Variants in SUGCT observed in about 807,000 individuals in gnomAD.
The protein encoded by SUGCT is succinyl-CoA:glutarate CoA-transferase.
A neutral mutation model predicts 55.0 loss-of-function variants in SUGCT; 41 were observed. That is an observed-to-expected ratio of 0.74 (90% CI 0.58 to 0.97). SUGCT has a LOEUF of 0.97. Among genes scored for constraint, SUGCT ranks in the 50% least tolerant of loss-of-function variants. The probability of loss-of-function intolerance (pLI) is 0.00; values close to 1 mark genes in which losing one functional copy is unlikely to be tolerated. For missense variants in SUGCT, 568 were observed against 547.8 expected (o/e 1.04, Z -0.37); for synonymous variants, 187 against 200.4 (o/e 0.93, Z 0.56).
intron 13 of SUGCT, among the ~76,000 whole-genome samples, chr7:40,822,954 G>C (rs1355143288): frequency 6.6e-6 from 1 of 152,100 alleles, no homozygotes; most frequent in Non-Finnish European, 1.5e-5. Context: ...GAAGGGATAG[G>C]TTATAAGTCC....
chr7:40,249,341 ATATAT>A lies in SUGCT; in HGVS notation c.576+11616_576+11620del, dbSNP rs1439961420. Among the ~76,000 whole-genome samples the A allele has an allele frequency of 5.6e-3, 739 of 131,584 alleles. 18 individuals carry two copies. Among genetic ancestry groups the A allele is most frequent in the African/African-American group, 0.02 (673 of 34,210 alleles). 86.3% of individuals were successfully genotyped at this position (131,584 alleles called of 152,430 possible). On this transcript the variant is annotated intron_variant, in intron 7 of 13. Coordinates refer to ENST00000335693, the MANE Select transcript of SUGCT (RefSeq NM_001193313.2). ...TATATATATATATATATATATATATATATATAATTATATTATATAGAATATATTAT... is the reference window on the plus strand; with the variant it reads ...TATATATATATATATATATATATATAAATTATATTATATAGAATATATTAT...
At chr7:40,690,235 A>G (rs568640588) in intron 12 of SUGCT, among the ~76,000 whole-genome samples, 49 of 152,152 alleles carry the variant, frequency 3.2e-4, no homozygotes, top group Non-Finnish European at 6.0e-4. Context: ...CTGTTGCCTT[A>G]AAGTTGTTGT....
intron 13 of SUGCT, among the ~76,000 whole-genome samples, chr7:40,759,982 A>G (rs1788453891): frequency 6.6e-6 from 1 of 152,182 alleles, no homozygotes. Context: ...CATGTGGACT[A>G]CATTTCCCGC....
chr7:40,388,877 C>T (rs1785258701), intron 9 of SUGCT, among the ~76,000 whole-genome samples: 1 of 151,948 alleles, frequency 6.6e-6, no homozygotes, highest in Admixed American at 6.6e-5. Context: ...TGTTTTTTCT[C>T]AGAAAGAGTC....
At chr7:40,854,048 A>G (rs1793990979) in intron 13 of SUGCT, among the ~76,000 whole-genome samples, 1 of 152,258 alleles carries the variant, frequency 6.6e-6, no homozygotes, top group African/African-American at 2.4e-5. Context: ...TGTTCTTAGC[A>G]TCAAGGTCAA....
the SUGCT span, among the ~76,000 whole-genome samples, chr7:40,911,664 C>T: frequency 6.6e-6 from 1 of 151,924 alleles, no homozygotes; most frequent in Non-Finnish European, 1.5e-5. Context: ...GGATGTTTGG[C>T]AGCATTACTG....
intron 12 of SUGCT, among the ~76,000 whole-genome samples, chr7:40,548,761 A>G (rs1300097007): frequency 6.6e-6 from 1 of 152,182 alleles, no homozygotes; most frequent in Non-Finnish European, 1.5e-5. Flanking sequence ...GTGTATAATG[A>G]CATGTATCAT....
In SUGCT at chr7:40,249,319, A is replaced by ATCTATCTATCTATCTATCTATCTATC. The variant is rs1562612016; in HGVS notation, c.576+11594_576+11595insCTATCTATCTATCTATCTATCTATCT. ...AACAAAAAACACCAAAAAGCTATAT[A>ATCTATCTATCTATCTATCTATCTATC]TATATATATATATATATATATATAT... On this transcript the variant is annotated intron_variant, in intron 7 of 13. Coordinates refer to ENST00000335693, the MANE Select transcript of SUGCT (RefSeq NM_001193313.2). Among the ~76,000 whole-genome samples, 13 of 39,766 alleles carry ATCTATCTATCTATCTATCTATCTATC rather than the reference A, an allele frequency of 3.3e-4. 1 individual carries two copies. Among genetic ancestry groups the ATCTATCTATCTATCTATCTATCTATC allele is most frequent in the African/African-American group, 8.6e-4 (13 of 15,094 alleles). The allele number at this position is 39,766 out of a possible 152,430, so 26.1% of individuals were successfully genotyped here.
At chr7:40,980,458 T>G in the SUGCT span, among the ~76,000 whole-genome samples, 1 of 152,244 alleles carries the variant, frequency 6.6e-6, no homozygotes, top group Non-Finnish European at 1.5e-5. Context: ...ATATTATCTC[T>G]AAAGTCCAAA....
the SUGCT span, among the ~76,000 whole-genome samples, chr7:40,899,868 A>C: frequency 2.0e-5 from 3 of 152,210 alleles, no homozygotes; most frequent in Non-Finnish European, 4.4e-5. Flanking sequence ...GCGTATGGCC[A>C]TGTATGTCAT....
Position 40,567,002 on chromosome 7 carries a change from G to T in SUGCT, c.1089+70616G>T, listed in dbSNP as rs139901417. On this transcript the variant is annotated intron_variant, in intron 12 of 13. Transcript: ENST00000335693. The stretch of plus-strand genomic sequence containing the variant: ...AAAAGCTTAAGAAAATTATTCCCTC[G>T]CCTGTCCCCCCAAAAGCCACATCTA... 5.3e-5 allele frequency among the ~76,000 whole-genome samples: 8 copies of T among 152,156 alleles called. No homozygotes were observed. In the East Asian group the frequency reaches 1.4e-3, roughly 26 times the overall value.
intron 6 of SUGCT, among the ~76,000 whole-genome samples, chr7:40,209,948 C>G (rs1787238517): frequency 6.6e-6 from 1 of 152,182 alleles, no homozygotes; most frequent in African/African-American, 2.4e-5. Context: ...TCTTACAGCT[C>G]TCCAAGGAAA....
chr7:41,026,723 G>T, the SUGCT span, among the ~76,000 whole-genome samples: 763 of 152,236 alleles, frequency 5.0e-3, 7 homozygotes, highest in Non-Finnish European at 5.7e-3. Flanking sequence ...CATAGAAGCT[G>T]GTTGTCTGAT....
intron 12 of SUGCT, among the ~76,000 whole-genome samples, chr7:40,718,175 C>G (rs1786127283): frequency 6.6e-6 from 1 of 152,166 alleles, no homozygotes; most frequent in Admixed American, 6.5e-5. Flanking sequence ...TAGCATCTCC[C>G]ATTTTATTGC....
chr7:40,236,701 G>A lies in SUGCT; in HGVS notation c.485-934G>A, dbSNP rs1317033474. On this transcript the variant is annotated intron_variant, in intron 6 of 13. Transcript: ENST00000335693. ...GGAGTCAGGGAAGTACTTGAAACCC[G>A]GCTGAGGCATATGGAAGTAGAGTGG... Among the ~76,000 whole-genome samples the A allele has an allele frequency of 2.6e-5, 4 of 152,090 alleles. No homozygotes were observed. The South Asian group carries it at 6.2e-4, about 24-fold the overall frequency.
intron 1 of SUGCT, among the ~76,000 whole-genome samples, chr7:40,147,469 G>A (rs906879876): frequency 3.3e-5 from 5 of 152,234 alleles, no homozygotes; most frequent in African/African-American, 9.6e-5. Context: ...ACTAAGGAAT[G>A]CTTTACTGTC....
At chr7:40,558,574 A>G (rs1795676921) in intron 12 of SUGCT, among the ~76,000 whole-genome samples, 1 of 152,230 alleles carries the variant, frequency 6.6e-6, no homozygotes, top group African/African-American at 2.4e-5. Context: ...CATGGAGATT[A>G]GAAATAAACT....
At chr7:40,474,781 C>T (rs897832425) in intron 11 of SUGCT, among the ~76,000 whole-genome samples, 1 of 152,178 alleles carries the variant, frequency 6.6e-6, no homozygotes, top group Non-Finnish European at 1.5e-5. Context: ...CCTATTAAGA[C>T]ATTAGTTATG....
At chr7:40,191,872 C>T (rs1048497250) in intron 5 of SUGCT, among the ~76,000 whole-genome samples, 3 of 152,102 alleles carry the variant, frequency 2.0e-5, no homozygotes, top group South Asian at 2.1e-4. Context: ...CACTTTGGGA[C>T]GCCGAGGTGG....
Sources: allele counts gnomAD v4.1 joint callset (sites outside exome capture counted in the v4.1 genomes callset), GRCh38; gene constraint gnomAD v4.1.1; transcripts MANE v1.5; gene names NCBI Gene and HGNC (gene_info 2026-07-23, HGNC 2026-07-21).